The following BCKDHB variants were observed in gnomAD, a reference collection of about 807,000 sequenced individuals.
BCKDHB encodes the protein 2-oxoisovalerate dehydrogenase subunit beta, mitochondrial.
BCKDHB carries 41 observed loss-of-function variants against 48.5 expected under a neutral mutation model. The observed-to-expected ratio is 0.85, with a 90% CI of 0.66 to 1.10. BCKDHB has a LOEUF of 1.10. Ranked by LOEUF, BCKDHB falls within the 50% of genes least tolerant of loss-of-function variation. The probability of loss-of-function intolerance (pLI) is 0.00; values close to 1 mark genes in which losing one functional copy is unlikely to be tolerated. For missense variants in BCKDHB, 496 were observed against 494.2 expected, an observed-to-expected ratio of 1.00 and a Z score of -0.03; for synonymous variants, 201 against 174.8, an observed-to-expected ratio of 1.15 and a Z score of -1.18.
the BCKDHB span, among the ~76,000 whole-genome samples, chr6:80,396,914 T>G: frequency 6.6e-6 from 1 of 152,152 alleles, no homozygotes; most frequent in South Asian, 2.1e-4. Context: ...TGAGAAAAGA[T>G]TAATACACTG....
At chr6:80,442,101 A>G in the BCKDHB span, among the ~76,000 whole-genome samples, 1 of 152,204 alleles carries the variant, frequency 6.6e-6, no homozygotes, top group Non-Finnish European at 1.5e-5. Flanking sequence ...CTGTATAGTT[A>G]ACTTATCTTC....
intron 8 of BCKDHB, among the ~76,000 whole-genome samples, chr6:80,239,781 A>G (rs2127909234): frequency 6.6e-6 from 1 of 152,264 alleles, no homozygotes; most frequent in Admixed American, 6.5e-5. Context: ...ATTTTTGTGT[A>G]AGATGTAAGG....
At chr6:80,453,574 G>A in the BCKDHB span, among the ~76,000 whole-genome samples, 58 of 152,274 alleles carry the variant, frequency 3.8e-4, no homozygotes, top group African/African-American at 1.3e-3. Context: ...GCCTAACTCT[G>A]AGCAAGGAGA....
chr6:80,278,876 A>G (rs1349388629), intron 9 of BCKDHB, among the ~76,000 whole-genome samples: 2 of 152,134 alleles, frequency 1.3e-5, no homozygotes, highest in Admixed American at 1.3e-4. Context: ...TTACTCTTGA[A>G]ACCTTCAAAT....
intron 8 of BCKDHB, among the ~76,000 whole-genome samples, chr6:80,258,891 C>G (rs76531544): frequency 2.6e-5 from 4 of 152,164 alleles, no homozygotes; most frequent in Admixed American, 2.6e-4. Flanking sequence ...GACTCCCCCC[C>G]AGTTCTTTCT....
At chr6:80,188,249 T>C (rs1259541538) in intron 6 of BCKDHB, among the ~76,000 whole-genome samples, 1 of 152,100 alleles carries the variant, frequency 6.6e-6, no homozygotes, top group East Asian at 1.9e-4. Context: ...CTTAGCAAAC[T>C]AACACATGAA....
At chr6:80,431,804 A>G in the BCKDHB span, among the ~76,000 whole-genome samples, 1 of 152,232 alleles carries the variant, frequency 6.6e-6, no homozygotes, top group East Asian at 1.9e-4. Flanking sequence ...TAATTGGGAC[A>G]TTTTGTCCAT....
chr6:80,195,294 A>G (rs1463414837), intron 6 of BCKDHB, among the ~76,000 whole-genome samples: 2 of 152,126 alleles, frequency 1.3e-5, no homozygotes, highest in African/African-American at 4.8e-5. Flanking sequence ...AAGATTGGGT[A>G]CAACTGTGTT....
chr6:80,200,344 T>C (rs1774331293), intron 6 of BCKDHB, among the ~76,000 whole-genome samples: 1 of 152,062 alleles, frequency 6.6e-6, no homozygotes, highest in South Asian at 2.1e-4. Context: ...GTGACTCTGA[T>C]TGATGAAGTG....
chr6:80,137,401 G>A (rs528548686), intron 3 of BCKDHB, among the ~76,000 whole-genome samples: 22 of 152,110 alleles, frequency 1.4e-4, no homozygotes, highest in Admixed American at 5.2e-4. Flanking sequence ...CTATTTATTT[G>A]TTTAAGAGTC....
intron 1 of BCKDHB, among the ~76,000 whole-genome samples, chr6:80,121,112 A>G (rs140848729): frequency 0.011 from 1,623 of 152,030 alleles, 30 homozygotes; most frequent in African/African-American, 0.037. Flanking sequence ...CCATTTATTA[A>G]ATAGGGAATC....
At chr6:80,232,346 A>G (rs944009953) in intron 8 of BCKDHB, among the ~76,000 whole-genome samples, 11 of 152,084 alleles carry the variant, frequency 7.2e-5, no homozygotes, top group African/African-American at 2.4e-4. Flanking sequence ...GATCAACCAT[A>G]GAACTGTTAA....
At chr6:80,430,648 G>A in the BCKDHB span, among the ~76,000 whole-genome samples, 1 of 152,148 alleles carries the variant, frequency 6.6e-6, no homozygotes, top group African/African-American at 2.4e-5. Context: ...TTGTATTGCT[G>A]TGGGATCAGC....
intron 1 of BCKDHB, among the ~76,000 whole-genome samples, chr6:80,114,625 A>T (rs1036687154): frequency 6.6e-6 from 1 of 152,178 alleles, no homozygotes; most frequent in Non-Finnish European, 1.5e-5. Flanking sequence ...AAAGGAAGAC[A>T]TTGTGAAGAT....
chr6:80,405,728 T>C, the BCKDHB span, among the ~76,000 whole-genome samples: 7 of 152,160 alleles, frequency 4.6e-5, no homozygotes, highest in Non-Finnish European at 8.8e-5. Context: ...TATTAGGAAG[T>C]TTACATAAAA....
rs112945549 is a variant in BCKDHB, at chr6:80,318,603, T to C, written c.1039-25061T>C. 4.9e-3 allele frequency among the ~76,000 whole-genome samples: 740 copies of C among 151,690 alleles called. 5 individuals are homozygous for C. Among genetic ancestry groups the C allele is most frequent in the African/African-American group, 0.017 (710 of 41,304 alleles). ...AGGAGGCTGAGGCAGGAGAATTGCT[T>C]GAACCCGGGAGGTGGAGGTTGCAGT... On this transcript the variant is annotated intron_variant, in intron 9 of 9. Coordinates refer to ENST00000320393, the MANE Select transcript of BCKDHB (RefSeq NM_183050.4).
intron 3 of BCKDHB, among the ~76,000 whole-genome samples, chr6:80,165,617 A>T (rs1772530998): frequency 6.6e-6 from 1 of 152,214 alleles, no homozygotes; most frequent in Non-Finnish European, 1.5e-5. Context: ...CAGAATCCTG[A>T]AATTATAATT....
intron 8 of BCKDHB, among the ~76,000 whole-genome samples, chr6:80,257,765 G>A (rs541105152): frequency 1.6e-3 from 248 of 152,092 alleles, no homozygotes; most frequent in Non-Finnish European, 2.2e-3. Flanking sequence ...TGTAAGTCCC[G>A]GAGTCCAAAG....
At position 80,119,159 on chromosome 6, in the gene BCKDHB, G is replaced by A. The variant is rs573924724; in HGVS notation, c.197-8388G>A. ...CAAAAAAATTAGCAGGCATGCTAGCGCATGCCTGTAATCCCTGGGGTGGCT... is the reference window on the plus strand; with the variant it reads ...CAAAAAAATTAGCAGGCATGCTAGCACATGCCTGTAATCCCTGGGGTGGCT... On this transcript the variant is annotated intron_variant, in intron 1 of 9. Transcript: ENST00000320393. 1.6e-4 allele frequency among the ~76,000 whole-genome samples: 24 copies of A among 152,230 alleles called. 1 individual carries two copies. Among genetic ancestry groups the A allele is most frequent in the African/African-American group, 4.6e-4 (19 of 41,552 alleles).
Sources: gnomAD v4.1 joint callset for allele counts (sites outside exome capture counted in the v4.1 genomes callset) on GRCh38, gnomAD v4.1.1 for gene constraint, MANE v1.5 for transcripts, NCBI Gene and HGNC (gene_info 2026-07-23, HGNC 2026-07-21) for gene names.